Variants in METTL9 observed in about 807,000 individuals in gnomAD.
The protein encoded by METTL9 is protein-L-histidine N-pros-methyltransferase.
METTL9 carries 10 observed loss-of-function variants against 36.0 expected under a neutral mutation model. The observed-to-expected ratio is 0.28, with a 90% CI of 0.17 to 0.47. METTL9 has a LOEUF of 0.47. METTL9 is among the 20% of genes least tolerant of loss of function. The probability of loss-of-function intolerance (pLI) is 0.99; values close to 1 mark genes in which losing one functional copy is unlikely to be tolerated. For missense variants in METTL9, 246 were observed against 383.5 expected (o/e 0.64, Z 3.00); for synonymous variants, 175 against 149.7 (o/e 1.17, Z -1.23).
At chr16:21,632,588 C>T (rs547770623) in intron 4 of METTL9, among the ~76,000 whole-genome samples, 3 of 152,258 alleles carry the variant, frequency 2.0e-5, no homozygotes, top group African/African-American at 7.2e-5. Context: ...GGGCCACGCA[C>T]ATACGTATTT....
At chr16:21,599,508 T>C (rs1369228143), upstream of METTL9, 3 of 1,239,674 alleles carry the variant, frequency 2.4e-6, no homozygotes, top group Admixed American at 4.5e-5. The surrounding 1 kb of genome is among the most constrained non-coding windows in gnomAD (Gnocchi z 4.4). Context: ...TGGAAACTGG[T>C]GCAGGGGGCA....
intron 2 of METTL9, among the ~76,000 whole-genome samples, chr16:21,614,758 G>A (rs773936881): frequency 6.6e-6 from 1 of 152,144 alleles, no homozygotes; most frequent in Non-Finnish European, 1.5e-5. Flanking sequence ...CTTAGTAGAT[G>A]TTCCAGAGTT....
At position 21,652,652 on chromosome 16, in the gene METTL9, T is replaced by G; in HGVS notation, c.752-2575T>G. On this transcript the variant is annotated intron_variant, in intron 4 of 4. Coordinates refer to ENST00000358154, the MANE Select transcript of METTL9 (RefSeq NM_016025.5). ...GTGTATTTGAAAGGAAAGTTGGCTT[T>G]CTTTTTTCAGAAGGGAAGAAGAGCT... The G allele has an allele frequency of 2.8e-6, 4 of 1,437,278 alleles. No individual in the cohort carries two copies. In the South Asian group the frequency reaches 3.7e-5, roughly 13 times the overall value. 89.0% of individuals were successfully genotyped at this position (1,437,278 alleles called of 1,614,324 possible).
At chr16:21,644,312 A>C in intron 4 of METTL9, 1 of 1,613,406 alleles carries the variant, frequency 6.2e-7, no homozygotes, top group Non-Finnish European at 8.5e-7. Flanking sequence ...TATGAAGGCC[A>C]CGCACACACC....
chr16:21,612,773 A>G lies in METTL9; in HGVS notation c.294A>G (p.Gln98=), dbSNP rs1489790367. Residue 98 remains glutamine (Q), a synonymous_variant, in exon 2 of 5, where the codon CAA becomes CAG. Coordinates refer to ENST00000358154, the MANE Select transcript of METTL9 (RefSeq NM_016025.5). ...AGAAATCGGGCTGGCTATTTATCCAATTATATCATTCTTTTGTGTCATCTG... is the reference window on the plus strand; with the variant it reads ...AGAAATCGGGCTGGCTATTTATCCAGTTATATCATTCTTTTGTGTCATCTG... ...SIEKSGWLFI[Q]LYHSFVSSVF... is the part of the protein sequence containing the mutation. 6 of 1,613,188 alleles carry G rather than the reference A, an allele frequency of 3.7e-6. No individual in the cohort carries two copies. The highest frequency in any genetic ancestry group is 2.2e-5 in the East Asian group (1 of 44,840).
At chr16:21,637,496 GA>G (rs1260548580) in intron 4 of METTL9, among the ~76,000 whole-genome samples, 1 of 152,222 alleles carries the variant, frequency 6.6e-6, no homozygotes, top group Non-Finnish European at 1.5e-5. Context: ...TAGCTAGACA[GA>G]AAAGTTCTCC....
chr16:21,622,359 G>A (rs932966201), intron 3 of METTL9, among the ~76,000 whole-genome samples: 2 of 151,410 alleles, frequency 1.3e-5, no homozygotes, highest in African/African-American at 4.9e-5. Context: ...TGTTGCCCCA[G>A]CTGGTCTCAA....
chr16:21,618,177 C>T (rs1965600623), intron 3 of METTL9, 103 bp downstream of exon 3: 8 of 902,340 alleles, frequency 8.9e-6, no homozygotes, highest in Admixed American at 6.4e-5. Context: ...AAAAAATCAT[C>T]TCATACATAA....
intron 4 of METTL9, among the ~76,000 whole-genome samples, chr16:21,648,190 G>A (rs1261461605): frequency 2.0e-5 from 3 of 152,172 alleles, no homozygotes; most frequent in Non-Finnish European, 2.9e-5. Flanking sequence ...CCTGGCGTGT[G>A]TGCTGCTTTG....
At chr16:21,602,873 G>A (rs1965173281) in intron 1 of METTL9, among the ~76,000 whole-genome samples, 1 of 151,980 alleles carries the variant, frequency 6.6e-6, no homozygotes, top group African/African-American at 2.4e-5. Flanking sequence ...TGGTTAGGCT[G>A]GTCTCAAACT....
intron 1 of METTL9, among the ~76,000 whole-genome samples, chr16:21,609,364 T>C (rs1387314147): frequency 2.6e-5 from 4 of 152,166 alleles, no homozygotes; most frequent in African/African-American, 9.7e-5. Context: ...TCTGCCTTTA[T>C]GAAGCTCTCA....
At chr16:21,606,606 G>T (rs959334240) in intron 1 of METTL9, among the ~76,000 whole-genome samples, 3 of 152,050 alleles carry the variant, frequency 2.0e-5, no homozygotes, top group African/African-American at 7.2e-5. Context: ...AGATTGGAAG[G>T]TGGGGCTGAA....
At chr16:21,643,856 C>A (rs1360436466) in intron 4 of METTL9, among the ~76,000 whole-genome samples, 1 of 152,096 alleles carries the variant, frequency 6.6e-6, no homozygotes, top group African/African-American at 2.4e-5. Context: ...AAAAGGTATT[C>A]TTTTTTAATA....
At chr16:21,615,392 G>A (rs1218280275) in intron 2 of METTL9, among the ~76,000 whole-genome samples, 2 of 151,990 alleles carry the variant, frequency 1.3e-5, no homozygotes, top group African/African-American at 4.8e-5. Flanking sequence ...ACCGTGCCTG[G>A]CTAATTTTTG....
intron 4 of METTL9, chr16:21,627,103 T>C (rs994562678): frequency 1.0e-6 from 1 of 985,366 alleles, no homozygotes. Flanking sequence ...TGACTTTTAG[T>C]GACCTATAAA....
At position 21,655,372 on chromosome 16, in the gene METTL9, CGACATGTATAAT is replaced by C; in HGVS notation, c.901_912del (p.Met301_Asp304del). ...CCAGACTACCATACCTGTGTGAAGG[CGACATGTATAAT>C]GACTACTACGTTCTGGATGACGCTG... On this transcript the variant is annotated inframe_deletion, in exon 5 of 5. Transcript: ENST00000358154. The C allele has an allele frequency of 6.2e-7, 1 of 1,614,102 alleles. No individual in the cohort carries two copies. The highest frequency in any genetic ancestry group is 8.5e-7 in the Non-Finnish European group (1 of 1,180,008).
At position 21,606,733 on chromosome 16, in the gene METTL9, C is replaced by T. The variant is rs924417455; in HGVS notation, c.166-5912C>T. 2.6e-5 allele frequency among the ~76,000 whole-genome samples: 4 copies of T among 152,048 alleles called. 1 individual carries two copies. Among genetic ancestry groups the T allele is most frequent in the South Asian group, 2.1e-4 (1 of 4,820 alleles). On this transcript the variant is annotated intron_variant, in intron 1 of 4. Transcript: ENST00000358154. ...GATACTCTTATTACCCTGAGATTCC[C>T]GAAGGGTTTTAGGAACTCTCTATCA...
At chr16:21,628,979 C>T (rs918305450) in intron 4 of METTL9, among the ~76,000 whole-genome samples, 12 of 151,140 alleles carry the variant, frequency 7.9e-5, no homozygotes, top group African/African-American at 1.7e-4. Context: ...CTGCAACCTC[C>T]GCCTCCTGGG....
intron 2 of METTL9, among the ~76,000 whole-genome samples, chr16:21,613,327 G>A (rs990562151): frequency 6.6e-6 from 1 of 151,748 alleles, no homozygotes; most frequent in African/African-American, 2.4e-5. Context: ...GGGATTACAG[G>A]TGTGCACCAC....
Sources: gnomAD v4.1 joint callset for allele counts (sites outside exome capture counted in the v4.1 genomes callset) on GRCh38, gnomAD v4.1.1 for gene constraint, Gnocchi (gnomAD v3.1) non-coding constraint, MANE v1.5 for transcripts, NCBI Gene and HGNC (gene_info 2026-07-23, HGNC 2026-07-21) for gene names.